The following KHDRBS2 variants were observed in gnomAD, a reference collection of about 807,000 sequenced individuals.
KHDRBS2 encodes KH RNA binding domain containing, signal transduction associated 2.
Under a neutral mutation model 44.3 loss-of-function variants are expected in KHDRBS2, and 26 were observed. That is an observed-to-expected ratio of 0.59 (90% CI 0.43 to 0.81). The LOEUF is 0.81. Among genes scored for constraint, KHDRBS2 ranks in the 40% least tolerant of loss-of-function variants. KHDRBS2 has a pLI of 0.00. For synonymous variants in KHDRBS2, 194 were observed against 151.1 expected, an observed-to-expected ratio of 1.28 and a Z score of -2.08; for missense variants, 476 against 433.1, an observed-to-expected ratio of 1.10 and a Z score of -0.88.
At chr6:62,077,332 G>T (rs1584548290) in intron 2 of KHDRBS2, among the ~76,000 whole-genome samples, 2 of 152,128 alleles carry the variant, frequency 1.3e-5, no homozygotes, top group East Asian at 3.9e-4. Flanking sequence ...GCCTTATGGG[G>T]ATGGGAGGGA....
intron 4 of KHDRBS2, among the ~76,000 whole-genome samples, chr6:61,913,212 A>G (rs1806370062): frequency 6.6e-6 from 1 of 152,144 alleles, no homozygotes; most frequent in Non-Finnish European, 1.5e-5. Context: ...TTTTCATCCA[A>G]TAAGAGAAAT....
intron 1 of KHDRBS2, among the ~76,000 whole-genome samples, chr6:62,192,015 T>C (rs1215664713): frequency 6.6e-6 from 1 of 152,066 alleles, no homozygotes; most frequent in Admixed American, 6.6e-5. Context: ...TGTTAATGGT[T>C]AAGTATAATT....
intron 4 of KHDRBS2, among the ~76,000 whole-genome samples, chr6:61,955,372 GTATATATACACATACGTATGTGTA>G (rs1219906868): frequency 5.1e-5 from 6 of 117,616 alleles, no homozygotes; most frequent in African/African-American, 2.1e-4. Flanking sequence ...ACATATACGT[GTATATATACACATACGTATGTGTA>G]TGTATACATA....
At chr6:62,208,879 T>C (rs1047527130) in intron 1 of KHDRBS2, among the ~76,000 whole-genome samples, 1 of 152,210 alleles carries the variant, frequency 6.6e-6, no homozygotes, top group Non-Finnish European at 1.5e-5. Context: ...GCATGTCTTA[T>C]TTGGAGAAAT....
At chr6:62,005,144 G>A (rs1170242986) in intron 3 of KHDRBS2, among the ~76,000 whole-genome samples, 1 of 151,892 alleles carries the variant, frequency 6.6e-6, no homozygotes, top group Non-Finnish European at 1.5e-5. Flanking sequence ...TCATATTAAT[G>A]GTCATTAATC....
intron 2 of KHDRBS2, among the ~76,000 whole-genome samples, chr6:62,162,288 T>C (rs1438073201): frequency 6.6e-6 from 1 of 152,076 alleles, no homozygotes; most frequent in Non-Finnish European, 1.5e-5. Context: ...GAACTCTCTC[T>C]GAGCTGTTGT....
At chr6:61,593,846 T>C in the KHDRBS2 span, among the ~76,000 whole-genome samples, 2 of 152,110 alleles carry the variant, frequency 1.3e-5, no homozygotes, top group African/African-American at 2.4e-5. Context: ...GGTCAGAAAC[T>C]ATGTAAAGGA....
Position 61,762,957 on chromosome 6 carries a change from A to C in KHDRBS2, c.811-30193T>G, listed in dbSNP as rs1779492728. Among the ~76,000 whole-genome samples the C allele has an allele frequency of 3.3e-5, 5 of 152,142 alleles. No individual in the cohort carries two copies. The South Asian group carries it at 1.0e-3, about 31-fold the overall frequency. On this transcript the variant is annotated intron_variant, in intron 6 of 8. Transcript: ENST00000281156. The stretch of plus-strand genomic sequence containing the variant: ...GCAGCAGGAATGAGGGGTAGAGAGA[A>C]GGCAGTTCTTCTGCCTGTTTCTTGG...
chr6:61,718,470 G>A (rs1039629220), intron 7 of KHDRBS2, among the ~76,000 whole-genome samples: 2 of 152,014 alleles, frequency 1.3e-5, no homozygotes, highest in South Asian at 2.1e-4. Flanking sequence ...ATGTTGTGCT[G>A]GATCTTTTCA....
rs1022507578 is a variant in KHDRBS2, at chr6:61,800,457, T to G, written c.811-67693A>C. ...ACAAACTGCAAAGCAAAAATATTTC[T>G]TGTGTCTCAGAGTTATCATGTCCAA... On this transcript the variant is annotated intron_variant, in intron 6 of 8. Coordinates refer to ENST00000281156, the MANE Select transcript of KHDRBS2 (RefSeq NM_152688.4). Among the ~76,000 whole-genome samples, 8 of 152,248 alleles carry G rather than the reference T, an allele frequency of 5.3e-5. No individual in the cohort carries two copies. The South Asian group carries it at 1.0e-3, about 20-fold the overall frequency.
intron 2 of KHDRBS2, among the ~76,000 whole-genome samples, chr6:62,171,574 T>G (rs1453181085): frequency 1.3e-5 from 2 of 152,010 alleles, no homozygotes; most frequent in African/African-American, 4.8e-5. Context: ...ATTCAGGAAA[T>G]GCAGAGAACC....
intron 6 of KHDRBS2, among the ~76,000 whole-genome samples, chr6:61,795,194 A>T (rs1399110588): frequency 2.0e-5 from 3 of 151,402 alleles, no homozygotes; most frequent in South Asian, 2.1e-4. Flanking sequence ...TAGTTTTTCT[A>T]CACTACTTTC....
intron 4 of KHDRBS2, among the ~76,000 whole-genome samples, chr6:61,943,295 T>C (rs1300341459): frequency 3.3e-5 from 5 of 151,858 alleles, no homozygotes; most frequent in Non-Finnish European, 7.4e-5. Flanking sequence ...ATGTTTACCA[T>C]CATGGAAGCA....
chr6:61,899,766 G>T, intron 5 of KHDRBS2, among the ~76,000 whole-genome samples: 1 of 130,366 alleles, frequency 7.7e-6, no homozygotes, highest in African/African-American at 2.8e-5. Context: ...ATACAAAATA[G>T]AAAAGTGTGT....
intron 4 of KHDRBS2, among the ~76,000 whole-genome samples, chr6:61,956,201 A>T (rs1408784035): frequency 1.3e-5 from 2 of 152,022 alleles, no homozygotes; most frequent in Non-Finnish European, 2.9e-5. Context: ...TCAAAAAAAA[A>T]CAAAAACAAA....
At chr6:61,936,884 A>C (rs191210280) in intron 4 of KHDRBS2, among the ~76,000 whole-genome samples, 128 of 152,086 alleles carry the variant, frequency 8.4e-4, no homozygotes, top group African/African-American at 3.1e-3. Flanking sequence ...AGGTTAAAAA[A>C]CTTCATTTTT....
chr6:61,835,302 C>A (rs926751146), intron 6 of KHDRBS2, among the ~76,000 whole-genome samples: 2 of 152,018 alleles, frequency 1.3e-5, no homozygotes, highest in African/African-American at 4.8e-5. Context: ...TGAAATGTTT[C>A]TTATTAATGT....
chr6:61,766,375 A>G (rs1582692682), intron 6 of KHDRBS2, among the ~76,000 whole-genome samples: 1 of 151,908 alleles, frequency 6.6e-6, no homozygotes. Flanking sequence ...CTTTTTACTT[A>G]GTCTTGGTAA....
intron 4 of KHDRBS2, among the ~76,000 whole-genome samples, chr6:61,957,811 T>C (rs1346604499): frequency 6.6e-6 from 1 of 152,170 alleles, no homozygotes; most frequent in Non-Finnish European, 1.5e-5. Flanking sequence ...ACCCTATTCA[T>C]ACACTCCCTC....
Sources: allele counts gnomAD v4.1 joint callset (sites outside exome capture counted in the v4.1 genomes callset), GRCh38; gene constraint gnomAD v4.1.1; transcripts MANE v1.5; gene names NCBI Gene and HGNC (gene_info 2026-07-23, HGNC 2026-07-21).